DLGAP1: variants seen among roughly 807,000 people sequenced by gnomAD.
DLGAP1 encodes the protein DLG associated protein 1, also known as disks large-associated protein 1.
Under a neutral mutation model 90.8 loss-of-function variants are expected in DLGAP1, and 11 were observed. The observed-to-expected ratio is 0.12, with a 90% CI of 0.08 to 0.20. The LOEUF (loss-of-function observed/expected upper bound fraction) is 0.20. Ranked by LOEUF, DLGAP1 falls within the 10% of genes least tolerant of loss-of-function variation. The probability of loss-of-function intolerance (pLI) is 1.00; values close to 1 mark genes in which losing one functional copy is unlikely to be tolerated. For synonymous variants in DLGAP1, 558 were observed against 540.7 expected (o/e 1.03, Z -0.44); for missense variants, 1,050 against 1,333.8 (o/e 0.79, Z 3.31).
chr18:3,651,698 T>G (rs2059310933), intron 7 of DLGAP1, among the ~76,000 whole-genome samples: 1 of 150,482 alleles, frequency 6.6e-6, no homozygotes. Flanking sequence ...GGAGGCCGAG[T>G]GCAGTGGCTC....
Position 4,103,324 on chromosome 18 carries a change from T to C in DLGAP1, c.-159+47856A>G, listed in dbSNP as rs1455732219. On this transcript the variant is annotated intron_variant, in intron 2 of 12. Coordinates refer to ENST00000315677, the MANE Select transcript of DLGAP1 (RefSeq NM_004746.4). ...TATTTTTCTGTGTACTCAGGGCTTC[T>C]ATGTATAATATATCACAAAAGTTTA... Among the ~76,000 whole-genome samples, 3 of 152,210 alleles carry C rather than the reference T, an allele frequency of 2.0e-5. No individual in the cohort carries two copies. In the East Asian group the frequency reaches 5.8e-4, roughly 29 times the overall value.
intron 1 of DLGAP1, among the ~76,000 whole-genome samples, chr18:4,331,712 T>C (rs2080956874): frequency 6.6e-6 from 1 of 151,866 alleles, no homozygotes; most frequent in Non-Finnish European, 1.5e-5. Context: ...ACACTTCGGT[T>C]CCTCCTGGTC....
chr18:3,880,673 T>G, intron 3 of DLGAP1, among the ~76,000 whole-genome samples: 1 of 150,906 alleles, frequency 6.6e-6, no homozygotes, highest in Non-Finnish European at 1.5e-5. Context: ...CCGGGCGCGG[T>G]GGCTCACGCC....
intron 9 of DLGAP1, among the ~76,000 whole-genome samples, chr18:3,563,826 T>C (rs2054285329): frequency 6.6e-6 from 1 of 152,226 alleles, no homozygotes; most frequent in Non-Finnish European, 1.5e-5. Flanking sequence ...AAGTTTCTAT[T>C]GTTATATCCT....
rs145962248 is a variant in DLGAP1, at chr18:4,403,899, T to C, written c.-267+51107A>G. Among the ~76,000 whole-genome samples, 464 of 152,310 alleles carry C rather than the reference T, an allele frequency of 3.0e-3. 5 individuals are homozygous for C. Among genetic ancestry groups the C allele is most frequent in the African/African-American group, 0.01 (428 of 41,560 alleles). On this transcript the variant is annotated intron_variant, in intron 1 of 12. Transcript: ENST00000315677. Reference sequence around the variant, plus strand: ...AAGAAGAAGAATTGGGTCTCACTTATATTGTTTCTCCCTGGCTCCCTTCTG... The same window carrying C: ...AAGAAGAAGAATTGGGTCTCACTTACATTGTTTCTCCCTGGCTCCCTTCTG...
At chr18:3,506,115 G>A (rs1250064040) in intron 11 of DLGAP1, among the ~76,000 whole-genome samples, 2 of 151,948 alleles carry the variant, frequency 1.3e-5, no homozygotes, top group Non-Finnish European at 2.9e-5. Context: ...GCGGGTGCCT[G>A]TAAACCCAGC....
rs56836054 is a variant in DLGAP1 at position 3,553,312 on chromosome 18, T to C, written c.2057+14178A>G. Among the ~76,000 whole-genome samples the C allele has an allele frequency of 8.1e-3, 1,234 of 152,338 alleles. 24 individuals are homozygous for C. The highest frequency in any genetic ancestry group is 0.029 in the African/African-American group (1,185 of 41,556). On this transcript the variant is annotated intron_variant, in intron 9 of 12. Coordinates refer to ENST00000315677, the MANE Select transcript of DLGAP1 (RefSeq NM_004746.4). ...GATTATTCCACCAACTCTTTAAATG[T>C]TCGTGGAAAAAGTGTGGGTAAAAAT...
intron 7 of DLGAP1, among the ~76,000 whole-genome samples, chr18:3,664,106 T>C (rs748313451): frequency 6.6e-6 from 1 of 151,980 alleles, no homozygotes; most frequent in East Asian, 1.9e-4. Context: ...ACTATACCAT[T>C]GGCTCTCCTG....
rs1268764672 is a variant in DLGAP1 at position 3,725,064 on chromosome 18, C to G, written c.1591+4071G>C. ...ATACTTATTTTTAATACCTCCCTAT[C>G]TCTTTACCATCTGCCTCTCCCCACC... On this transcript the variant is annotated intron_variant, in intron 7 of 12. Coordinates refer to ENST00000315677, the MANE Select transcript of DLGAP1 (RefSeq NM_004746.4). 2.0e-5 allele frequency among the ~76,000 whole-genome samples: 3 copies of G among 152,194 alleles called. No individual in the cohort carries two copies. The East Asian group carries it at 5.8e-4, about 29-fold the overall frequency.
Position 3,879,518 on chromosome 18 carries a change from C to A in DLGAP1, c.551G>T (p.Ser184Ile). Residue 184 changes from serine to isoleucine, a missense_variant, in exon 4 of 13, where the codon AGC (serine) becomes ATC (isoleucine). Physicochemically the swap from Ser to Ile is moderately radical, Grantham distance 142. Transcript: ENST00000315677. This position sits in a 1 kb window ranked among gnomAD's most constrained non-coding sequence, Gnocchi z 6.6. Reference protein sequence around the residue: ...QAARYGKRSKSKERRAEPKAR... With the variant: ...QAARYGKRSKIKERRAEPKAR... ...CTTGGGCTCCGCGCGCCGCTCCTTG[C>A]TCTTGCTGCGTTTGCCATAGCGCGC... is the stretch of plus-strand genomic sequence containing the variant. 6.2e-7 allele frequency: 1 copy of A among 1,602,420 alleles called. No individual in the cohort carries two copies. Among genetic ancestry groups the A allele is most frequent in the Non-Finnish European group, 8.5e-7 (1 of 1,179,312 alleles).
In DLGAP1 at chr18:3,758,620, T is replaced by C. The variant is rs539404001; in HGVS notation, c.1173-16108A>G. Among the ~76,000 whole-genome samples, 22 of 152,352 alleles carry C rather than the reference T, an allele frequency of 1.4e-4. No homozygotes were observed. In the Middle Eastern group the frequency reaches 0.014, roughly 94 times the overall value. On this transcript the variant is annotated intron_variant, in intron 5 of 12. Transcript: ENST00000315677. The stretch of plus-strand genomic sequence containing the variant: ...CTATTTATAAGCTTAACATGGATTA[T>C]ATTGAAGTCAGTTCTGCATGTCCTT...
chr18:3,920,736 T>C (rs1018728029), intron 3 of DLGAP1, among the ~76,000 whole-genome samples: 1 of 150,954 alleles, frequency 6.6e-6, no homozygotes, highest in African/African-American at 2.4e-5. Flanking sequence ...TAAAAGGTCT[T>C]GTTGACCTGA....
chr18:3,884,771 A>T (rs1486176084), intron 3 of DLGAP1, among the ~76,000 whole-genome samples: 2 of 152,250 alleles, frequency 1.3e-5, no homozygotes, highest in African/African-American at 4.8e-5. Context: ...AACAAATTGC[A>T]TCCAGAATAA....
intron 5 of DLGAP1, among the ~76,000 whole-genome samples, chr18:3,791,036 G>GA (rs1211877706): frequency 1.3e-5 from 2 of 152,174 alleles, no homozygotes; most frequent in East Asian, 3.8e-4. Flanking sequence ...AGAAATGACA[G>GA]AATCAATTAG....
chr18:4,074,717 G>T (rs978383994), intron 2 of DLGAP1, among the ~76,000 whole-genome samples: 1 of 152,032 alleles, frequency 6.6e-6, no homozygotes, highest in Non-Finnish European at 1.5e-5. Flanking sequence ...AACCAATACC[G>T]TAAACTCCTA....
intron 10 of DLGAP1, among the ~76,000 whole-genome samples, chr18:3,516,189 A>T (rs2050834723): frequency 6.6e-6 from 1 of 152,190 alleles, no homozygotes; most frequent in Non-Finnish European, 1.5e-5. Flanking sequence ...AATGGCGTCT[A>T]GAATGGTGAT....
At chr18:3,665,636 C>T (rs1278706658) in intron 7 of DLGAP1, among the ~76,000 whole-genome samples, 2 of 152,042 alleles carry the variant, frequency 1.3e-5, no homozygotes, top group Non-Finnish European at 2.9e-5. Flanking sequence ...GGTCTGTGTA[C>T]GATATTTCAT....
chr18:4,087,093 G>GCACACA (rs2075696899), intron 2 of DLGAP1, among the ~76,000 whole-genome samples: 1 of 80,736 alleles, frequency 1.2e-5, no homozygotes, highest in Non-Finnish European at 2.9e-5. Context: ...ATGTATATAT[G>GCACACA]TATATATGTG....
At chr18:3,610,556 CA>C (rs1568300659) in intron 7 of DLGAP1, among the ~76,000 whole-genome samples, 1 of 152,068 alleles carries the variant, frequency 6.6e-6, no homozygotes, top group Non-Finnish European at 1.5e-5. Context: ...TCAACTCAGC[CA>C]GGGGCAGTAG....
Sources: allele counts gnomAD v4.1 joint callset (sites outside exome capture counted in the v4.1 genomes callset), GRCh38; gene constraint gnomAD v4.1.1; non-coding constraint Gnocchi (gnomAD v3.1); transcripts MANE v1.5; gene names NCBI Gene and HGNC (gene_info 2026-07-23, HGNC 2026-07-21).